ILRUN: variants seen among roughly 807,000 people sequenced by gnomAD.
ILRUN encodes protein ILRUN.
Under a neutral mutation model 33.8 loss-of-function variants are expected in ILRUN, and 3 were observed. That is an observed-to-expected ratio of 0.09 (90% CI 0.04 to 0.23). The LOEUF (loss-of-function observed/expected upper bound fraction) is 0.23. Ranked by LOEUF, ILRUN falls within the 10% of genes least tolerant of loss-of-function variation. The pLI is 1.00. For synonymous variants in ILRUN, 124 were observed against 138.9 expected (o/e 0.89, Z 0.75); for missense variants, 210 against 375.1 (o/e 0.56, Z 3.64).
intron 3 of ILRUN, among the ~76,000 whole-genome samples, chr6:34,629,379 T>C (rs1762200824): frequency 6.6e-6 from 1 of 152,176 alleles, no homozygotes; most frequent in Non-Finnish European, 1.5e-5. Flanking sequence ...ATGTTGGCCA[T>C]GTGGTCTTGA....
intron 1 of ILRUN, among the ~76,000 whole-genome samples, chr6:34,684,877 A>T (rs1283215010): frequency 6.6e-6 from 1 of 152,192 alleles, no homozygotes; most frequent in Non-Finnish European, 1.5e-5. Context: ...GTAAACTGGG[A>T]CCAGTCTTTG....
At chr6:34,695,874 C>T (rs1000667638) in intron 1 of ILRUN, among the ~76,000 whole-genome samples, 1 of 149,482 alleles carries the variant, frequency 6.7e-6, no homozygotes, top group African/African-American at 2.5e-5. Context: ...TAATATCACC[C>T]CCTTTTCCCT....
intron 1 of ILRUN, among the ~76,000 whole-genome samples, chr6:34,689,663 A>G (rs941230072): frequency 2.0e-5 from 3 of 151,990 alleles, no homozygotes; most frequent in African/African-American, 4.8e-5. Context: ...GGTGACTGAG[A>G]AATGGATTAA....
chr6:34,598,993 C>T (rs1321141026), intron 4 of ILRUN, among the ~76,000 whole-genome samples: 2 of 152,162 alleles, frequency 1.3e-5, no homozygotes, highest in African/African-American at 2.4e-5. Flanking sequence ...TGCTTCTTAC[C>T]GGCCACACAT....
chr6:34,694,773 G>A (rs1763722926), intron 1 of ILRUN, among the ~76,000 whole-genome samples: 1 of 151,974 alleles, frequency 6.6e-6, no homozygotes, highest in Admixed American at 6.6e-5. Context: ...AAAATGGCGG[G>A]GCATAGTGGC....
chr6:34,678,836 CAAAAAAAAAAA>C (rs767799882), intron 1 of ILRUN, among the ~76,000 whole-genome samples: 12 of 47,880 alleles, frequency 2.5e-4, no homozygotes, highest in East Asian at 6.6e-4. Context: ...GACTCCGTCT[CAAAAAAAAAAA>C]AAAAAAAAAA....
intron 1 of ILRUN, among the ~76,000 whole-genome samples, chr6:34,662,593 A>G (rs1358468027): frequency 6.6e-6 from 1 of 152,254 alleles, no homozygotes; most frequent in East Asian, 1.9e-4. Flanking sequence ...AACACATAAC[A>G]TTACGGATGA....
intron 3 of ILRUN, among the ~76,000 whole-genome samples, chr6:34,628,565 C>A (rs934071552): frequency 8.6e-5 from 13 of 152,038 alleles, no homozygotes; most frequent in African/African-American, 2.9e-4. Context: ...ATCTCCTGAC[C>A]TCATGATCCG....
intron 3 of ILRUN, among the ~76,000 whole-genome samples, chr6:34,612,476 T>C (rs1324946296): frequency 6.6e-6 from 1 of 152,150 alleles, no homozygotes; most frequent in African/African-American, 2.4e-5. Context: ...GAAAGTACTG[T>C]AAATGTTATC....
At chr6:34,683,431 T>TATATATACACATATATATATAC (rs1445122135) in intron 1 of ILRUN, among the ~76,000 whole-genome samples, 1 of 46,418 alleles carries the variant, frequency 2.2e-5, no homozygotes, top group South Asian at 4.5e-4. Context: ...TATATATACA[T>TATATATACACATATATATATAC]ATATATATAC....
chr6:34,614,497 T>G (rs182503338), intron 3 of ILRUN, among the ~76,000 whole-genome samples: 2,997 of 135,466 alleles, frequency 0.022, 105 homozygotes, highest in African/African-American at 0.067. Context: ...TTATATATAT[T>G]ATATTTTATA....
intron 4 of ILRUN, 102 bp from the exon 5 acceptor site, chr6:34,590,702 C>T (rs757217833): frequency 8.0e-6 from 7 of 869,676 alleles, no homozygotes; most frequent in Non-Finnish European, 1.4e-5. Context: ...CACAAGGAAG[C>T]CCCAATCCAC....
intron 1 of ILRUN, among the ~76,000 whole-genome samples, chr6:34,693,677 T>TTTTA (rs1763696421): frequency 6.8e-6 from 1 of 146,622 alleles, no homozygotes; most frequent in South Asian, 2.1e-4. Flanking sequence ...ATTTTATTTT[T>TTTTA]TTTTTTTGAG....
At chr6:34,663,463 G>A (rs947382847) in intron 1 of ILRUN, among the ~76,000 whole-genome samples, 11 of 151,990 alleles carry the variant, frequency 7.2e-5, no homozygotes, top group Admixed American at 2.6e-4. Context: ...TAAAATGAAA[G>A]GAGAGCACCT....
chr6:34,588,753 G>A lies in ILRUN; in HGVS notation c.*1812C>T, dbSNP rs1390900546. On this transcript the variant is annotated 3_prime_UTR_variant, in exon 5 of 5. Transcript: ENST00000374023. ...TCCAGCCACCCCCAGGGCTTCTCCA[G>A]TGGAATAAAGTTTATGCCCCCTTTT... 1 of 153,044 alleles carries A rather than the reference G, an allele frequency of 6.5e-6. No individual in the cohort carries two copies. Among genetic ancestry groups the A allele is most frequent in the Non-Finnish European group, 1.5e-5 (1 of 68,344 alleles). 9.5% of individuals were successfully genotyped at this position (153,044 alleles called of 1,614,324 possible). A position where few individuals can be genotyped will look rare whatever the true frequency, so the allele number is the denominator to read the frequency against.
At chr6:34,666,961 C>G (rs1024296154) in intron 1 of ILRUN, among the ~76,000 whole-genome samples, 2 of 152,136 alleles carry the variant, frequency 1.3e-5, no homozygotes, top group African/African-American at 4.8e-5. Context: ...AGCTTCTTTA[C>G]ATGACACTGC....
In ILRUN at chr6:34,588,621, C is replaced by T. The variant is rs1761238627; in HGVS notation, c.*1944G>A. ...GGTACCTGGCAGAGACTTCCCTCTG[C>T]TCTGCTAGGGAGTGGAGCACTCCCA... On this transcript the variant is annotated 3_prime_UTR_variant, in exon 5 of 5. Transcript: ENST00000374023. 5.9e-6 allele frequency: 1 copy of T among 169,724 alleles called. No individual in the cohort carries two copies. Among genetic ancestry groups the T allele is most frequent in the Non-Finnish European group, 1.3e-5 (1 of 79,914 alleles). The allele number at this position is 169,724 out of a possible 1,614,324, so 10.5% of individuals were successfully genotyped here. A position where few individuals can be genotyped will look rare whatever the true frequency, so the allele number is the denominator to read the frequency against.
At chr6:34,691,027 G>GGT (rs1269758609) in intron 1 of ILRUN, among the ~76,000 whole-genome samples, 1 of 152,108 alleles carries the variant, frequency 6.6e-6, no homozygotes, top group African/African-American at 2.4e-5. Flanking sequence ...TGGGACTACA[G>GGT]GTGCCCGTCA....
At chr6:34,625,665 C>G (rs755266805) in intron 3 of ILRUN, among the ~76,000 whole-genome samples, 2 of 152,144 alleles carry the variant, frequency 1.3e-5, no homozygotes, top group Admixed American at 1.3e-4. Flanking sequence ...AGAGTTTATG[C>G]TTTTGCCCAC....
Sources: gnomAD v4.1 joint callset for allele counts (sites outside exome capture counted in the v4.1 genomes callset) on GRCh38, gnomAD v4.1.1 for gene constraint, MANE v1.5 for transcripts, NCBI Gene and HGNC (gene_info 2026-07-23, HGNC 2026-07-21) for gene names.